Variants in ARHGAP15 observed in about 807,000 individuals in gnomAD.
ARHGAP15 encodes Rho GTPase activating protein 15.
ARHGAP15 carries 51 observed loss-of-function variants against 63.7 expected under a neutral mutation model. That is an observed-to-expected ratio of 0.80 (90% CI 0.64 to 1.01). The LOEUF (loss-of-function observed/expected upper bound fraction) is 1.01, where lower values mean the gene tolerates loss of function less well. ARHGAP15 is among the 50% of genes least tolerant of loss of function. The probability of loss-of-function intolerance (pLI) is 0.00; values close to 1 mark genes in which losing one functional copy is unlikely to be tolerated. For missense variants in ARHGAP15, 560 were observed against 564.6 expected (o/e 0.99, Z 0.08); for synonymous variants, 191 against 193.8 (o/e 0.99, Z 0.12).
chr2:143,633,656 C>T (rs1180707040), intron 12 of ARHGAP15, among the ~76,000 whole-genome samples: 5 of 152,164 alleles, frequency 3.3e-5, no homozygotes, highest in Non-Finnish European at 7.4e-5. Context: ...CTTACTTCTA[C>T]TGAATAGACC....
intron 8 of ARHGAP15, among the ~76,000 whole-genome samples, chr2:143,463,431 A>T (rs1691052034): frequency 6.6e-6 from 1 of 151,400 alleles, no homozygotes; most frequent in Non-Finnish European, 1.5e-5. Context: ...AATCCTATCT[A>T]CTCAGGAGGC....
At chr2:143,617,847 C>T (rs1698505630) in intron 11 of ARHGAP15, among the ~76,000 whole-genome samples, 1 of 152,188 alleles carries the variant, frequency 6.6e-6, no homozygotes, top group Admixed American at 6.5e-5. Flanking sequence ...TGATGAAGCC[C>T]TCTCCTTTGA....
chr2:143,616,537 G>A (rs112807019), intron 11 of ARHGAP15, among the ~76,000 whole-genome samples: 161 of 152,282 alleles, frequency 1.1e-3, no homozygotes, highest in African/African-American at 3.4e-3. Flanking sequence ...CTAACGTGGC[G>A]TGCCAAAGTA....
intron 8 of ARHGAP15, among the ~76,000 whole-genome samples, chr2:143,476,816 G>A (rs1691838893): frequency 6.6e-6 from 1 of 152,210 alleles, no homozygotes; most frequent in South Asian, 2.1e-4. Context: ...CTGTGTTGCT[G>A]TTTGCTGCTT....
intron 5 of ARHGAP15, chr2:143,236,517 T>C (rs1166983010): frequency 6.6e-6 from 1 of 152,176 alleles, no homozygotes; most frequent in African/African-American, 2.4e-5. Flanking sequence ...AGTATGGCCT[T>C]AGATTGAGTA....
intron 8 of ARHGAP15, among the ~76,000 whole-genome samples, chr2:143,468,617 G>A (rs1691354787): frequency 6.7e-6 from 1 of 148,962 alleles, no homozygotes; most frequent in Non-Finnish European, 1.5e-5. Flanking sequence ...CCCATAGGTT[G>A]CTATGGGTTT....
At chr2:143,486,480 T>C (rs1692330590) in intron 8 of ARHGAP15, among the ~76,000 whole-genome samples, 1 of 149,756 alleles carries the variant, frequency 6.7e-6, no homozygotes, top group African/African-American at 2.5e-5. Flanking sequence ...GGTGGGAGGA[T>C]CATATGAGCC....
intron 6 of ARHGAP15, among the ~76,000 whole-genome samples, chr2:143,348,226 G>A (rs1361528830): frequency 6.6e-6 from 1 of 152,136 alleles, no homozygotes; most frequent in Non-Finnish European, 1.5e-5. Context: ...AATGTCACAT[G>A]ACAATTACTG....
chr2:143,315,739 G>A (rs757491463), intron 6 of ARHGAP15, among the ~76,000 whole-genome samples: 78 of 151,996 alleles, frequency 5.1e-4, no homozygotes, highest in Non-Finnish European at 8.5e-4. Context: ...ATGACAAGTC[G>A]TGTTATATAT....
At position 143,180,766 on chromosome 2, in the gene ARHGAP15, C is replaced by T. The variant is rs147951869; in HGVS notation, c.166-21368C>T. ...TCGGCTAACTGCAAGCTCTGCCTCC[C>T]GGGTTCACTGCATTGTCCTGCCTCA... On this transcript the variant is annotated intron_variant, in intron 2 of 13. Transcript: ENST00000295095. Among the ~76,000 whole-genome samples the T allele has an allele frequency of 3.8e-3, 572 of 152,176 alleles. 3 individuals carry two copies. The highest frequency in any genetic ancestry group is 0.013 in the African/African-American group (528 of 41,508).
At chr2:143,288,760 G>GT (rs1186308528) in intron 6 of ARHGAP15, among the ~76,000 whole-genome samples, 1 of 150,996 alleles carries the variant, frequency 6.6e-6, no homozygotes, top group Non-Finnish European at 1.5e-5. Context: ...ATTATTAAAG[G>GT]TGCCATCTCA....
At chr2:143,727,383 C>T (rs528436170) in intron 13 of ARHGAP15, among the ~76,000 whole-genome samples, 3 of 152,126 alleles carry the variant, frequency 2.0e-5, no homozygotes, top group South Asian at 4.2e-4. Flanking sequence ...CTTATTCGGC[C>T]ATATATCACC....
intron 1 of ARHGAP15, among the ~76,000 whole-genome samples, chr2:143,146,218 T>C (rs1689583657): frequency 6.6e-6 from 1 of 151,936 alleles, no homozygotes; most frequent in Non-Finnish European, 1.5e-5. Flanking sequence ...ATATTAAAAA[T>C]AGACTTGTGG....
At chr2:143,660,037 G>A (rs1249499841) in intron 12 of ARHGAP15, among the ~76,000 whole-genome samples, 3 of 152,098 alleles carry the variant, frequency 2.0e-5, no homozygotes, top group Non-Finnish European at 4.4e-5. Flanking sequence ...CGTGGTCTGT[G>A]TTCCAAAATA....
rs140143586 is a variant in ARHGAP15, at chr2:143,235,358, G to A, written c.384+6690G>A. On this transcript the variant is annotated intron_variant, in intron 5 of 13. Coordinates refer to ENST00000295095, the MANE Select transcript of ARHGAP15 (RefSeq NM_018460.4). ...GAATATGTGGAGATTTGTAGGGAGG[G>A]AGTGCAGGGGCATAAAAAACATGAA... is the stretch of plus-strand genomic sequence containing the variant. Among the ~76,000 whole-genome samples the A allele has an allele frequency of 2.8e-3, 429 of 152,028 alleles. 1 individual carries two copies. The highest frequency in any genetic ancestry group is 0.017 in the Middle Eastern group (5 of 294).
chr2:143,506,923 T>C (rs1003663377), intron 9 of ARHGAP15, among the ~76,000 whole-genome samples: 1 of 152,188 alleles, frequency 6.6e-6, no homozygotes, highest in South Asian at 2.1e-4. Flanking sequence ...GCTGTTTTAA[T>C]ATCAAAGGAA....
intron 1 of ARHGAP15, among the ~76,000 whole-genome samples, chr2:143,153,843 T>TTCCTCCTCCTCCTCCTCCTCCTCC (rs796483071): frequency 1.2e-5 from 1 of 86,858 alleles, no homozygotes; most frequent in Non-Finnish European, 2.2e-5. Context: ...CTTCTTCTTC[T>TTCCTCCTCCTCCTCCTCCTCCTCC]TCCTCCTCCT....
chr2:143,451,125 C>T (rs758197173), intron 8 of ARHGAP15, among the ~76,000 whole-genome samples: 4 of 151,596 alleles, frequency 2.6e-5, no homozygotes, highest in Non-Finnish European at 5.9e-5. Flanking sequence ...GATTAGTTAA[C>T]GAAAATGCAT....
intron 1 of ARHGAP15, among the ~76,000 whole-genome samples, chr2:143,150,353 A>G (rs1689766910): frequency 6.6e-6 from 1 of 152,026 alleles, no homozygotes; most frequent in African/African-American, 2.4e-5. Flanking sequence ...TGATTAGATG[A>G]AATATCATGT....
Sources: allele counts gnomAD v4.1 joint callset (sites outside exome capture counted in the v4.1 genomes callset), GRCh38; gene constraint gnomAD v4.1.1; transcripts MANE v1.5; gene names NCBI Gene and HGNC (gene_info 2026-07-23, HGNC 2026-07-21).